Variants in CHST11 observed in about 807,000 individuals in gnomAD.
CHST11 encodes C4S-1.
Under a neutral mutation model 30.4 loss-of-function variants are expected in CHST11, and 9 were observed. The observed-to-expected ratio is 0.30, with a 90% CI of 0.18 to 0.52. The LOEUF is 0.52. CHST11 is among the 20% of genes least tolerant of loss of function. The pLI is 0.97. For synonymous variants in CHST11, 152 were observed against 187.8 expected (o/e 0.81, Z 1.56); for missense variants, 348 against 460.6 (o/e 0.76, Z 2.24).
At chr12:104,513,139 T>TGGGGGGGGGGGGG (rs1565969846) in intron 1 of CHST11, among the ~76,000 whole-genome samples, 11 of 2,932 alleles carry the variant, frequency 3.8e-3, no homozygotes, top group Non-Finnish European at 5.3e-3. Flanking sequence ...GGGGGGGGGT[T>TGGGGGGGGGGGGG]GGGGGTGGGG....
chr12:104,687,441 A>G (rs1786419460), intron 2 of CHST11, among the ~76,000 whole-genome samples: 1 of 152,254 alleles, frequency 6.6e-6, no homozygotes, highest in Non-Finnish European at 1.5e-5. Context: ...TACCTGAGTT[A>G]TCTCATCTCA....
chr12:104,533,492 G>A (rs1341406938), intron 1 of CHST11, among the ~76,000 whole-genome samples: 1 of 152,196 alleles, frequency 6.6e-6, no homozygotes, highest in African/African-American at 2.4e-5. Context: ...TGAAATGTAT[G>A]AAGTAGGGAT....
chr12:104,624,303 C>T (rs2039190333), intron 2 of CHST11, among the ~76,000 whole-genome samples: 1 of 152,118 alleles, frequency 6.6e-6, no homozygotes, highest in Non-Finnish European at 1.5e-5. Flanking sequence ...AAATGATTGT[C>T]ACAGCAAGGA....
chr12:104,726,651 A>G (rs2040219301), intron 2 of CHST11, among the ~76,000 whole-genome samples: 1 of 152,156 alleles, frequency 6.6e-6, no homozygotes, highest in South Asian at 2.1e-4. Flanking sequence ...GGAAAGGGCC[A>G]GGCTGGTCTA....
chr12:104,654,919 C>G lies in CHST11; in HGVS notation c.204+52928C>G, dbSNP rs114662760. On this transcript the variant is annotated intron_variant, in intron 2 of 2. Coordinates refer to ENST00000303694, the MANE Select transcript of CHST11 (RefSeq NM_018413.6). ...TCCAGAACAGGAGTGGTCATAGCAT[C>G]CTCATTATAATGACTGAATGAAAGA... Among the ~76,000 whole-genome samples, 483 of 134,500 alleles carry G rather than the reference C, an allele frequency of 3.6e-3. 6 individuals are homozygous for G. The highest frequency in any genetic ancestry group is 0.011 in the African/African-American group (426 of 38,446). The allele number at this position is 134,500 out of a possible 152,430, so 88.2% of individuals were successfully genotyped here. A position where few individuals can be genotyped will look rare whatever the true frequency, so the allele number is the denominator to read the frequency against.
intron 2 of CHST11, among the ~76,000 whole-genome samples, chr12:104,602,940 C>G (rs867727489): frequency 6.6e-6 from 1 of 151,810 alleles, no homozygotes; most frequent in Non-Finnish European, 1.5e-5. Flanking sequence ...ACCCCCCTTC[C>G]CAATCTCTCA....
intron 1 of CHST11, among the ~76,000 whole-genome samples, chr12:104,523,847 C>T (rs1409355913): frequency 6.6e-6 from 1 of 152,010 alleles, no homozygotes; most frequent in Non-Finnish European, 1.5e-5. Context: ...TTCTGGGAAC[C>T]CTGCAGTGCC....
At chr12:104,716,173 G>A (rs996922316) in intron 2 of CHST11, among the ~76,000 whole-genome samples, 2 of 152,206 alleles carry the variant, frequency 1.3e-5, no homozygotes, top group African/African-American at 2.4e-5. Flanking sequence ...AGCCAATGTC[G>A]CAGACATCTG....
chr12:104,588,384 A>T (rs1235750835), intron 1 of CHST11, among the ~76,000 whole-genome samples: 3 of 152,288 alleles, frequency 2.0e-5, no homozygotes, highest in Non-Finnish European at 1.5e-5. Context: ...CTCAAACAAT[A>T]TTGGGGTCAC....
chr12:104,632,147 G>A (rs2039277029), intron 2 of CHST11, among the ~76,000 whole-genome samples: 1 of 152,118 alleles, frequency 6.6e-6, no homozygotes, highest in African/African-American at 2.4e-5. Flanking sequence ...TGCTGCCTGG[G>A]AACACGAGAC....
intron 2 of CHST11, among the ~76,000 whole-genome samples, chr12:104,648,809 C>CA (rs566126985): frequency 6.3e-4 from 95 of 151,308 alleles, no homozygotes; most frequent in East Asian, 1.2e-3. Flanking sequence ...GCGAGACTCT[C>CA]AAAAAAAATA....
At chr12:104,682,922 C>T (rs2039812081) in intron 2 of CHST11, among the ~76,000 whole-genome samples, 1 of 152,220 alleles carries the variant, frequency 6.6e-6, no homozygotes, top group African/African-American at 2.4e-5. Context: ...CTGTGTCCAG[C>T]CCCACCTGAC....
Position 104,757,224 on chromosome 12 carries a change from C to T in CHST11, c.480C>T (p.Asn160=), listed in dbSNP as rs370518083. 42 of 1,614,008 alleles carry T rather than the reference C, an allele frequency of 2.6e-5. No homozygotes were observed. The highest frequency in any genetic ancestry group is 3.4e-5 in the Non-Finnish European group (40 of 1,180,016). Residue 160 remains asparagine, a synonymous_variant, in exon 3 of 3, where the codon AAC becomes AAT. Transcript: ENST00000303694. This position sits in a 1 kb window ranked among gnomAD's most constrained non-coding sequence, Gnocchi z 6.5. The part of the protein sequence containing the change: ...IPANEAHVSA[N]LKTLNQYSIP... The stretch of plus-strand genomic sequence containing the variant: ...CCAACGAGGCACACGTCTCCGCCAA[C>T]CTGAAGACCCTGAACCAGTACAGCA...
intron 1 of CHST11, among the ~76,000 whole-genome samples, chr12:104,508,924 G>A (rs1243848200): frequency 2.0e-5 from 3 of 151,126 alleles, no homozygotes; most frequent in East Asian, 1.9e-4. Context: ...CCACTGCCGC[G>A]CCACCACCAC....
At chr12:104,574,700 G>A (rs2038664267) in intron 1 of CHST11, among the ~76,000 whole-genome samples, 1 of 151,894 alleles carries the variant, frequency 6.6e-6, no homozygotes, top group Non-Finnish European at 1.5e-5. Flanking sequence ...CACACACTGG[G>A]GTCTGTTGTG....
chr12:104,674,611 C>T lies in CHST11; in HGVS notation c.204+72620C>T, dbSNP rs191456704. 4.0e-4 allele frequency among the ~76,000 whole-genome samples: 61 copies of T among 152,234 alleles called. 1 individual carries two copies. In the East Asian group the frequency reaches 7.1e-3, roughly 18 times the overall value. ...CCCTCATTAAATGCCTGAATAATTTCGAAGAGTCAGAGTTCCATAAATGTT... is the reference window on the plus strand; with the variant it reads ...CCCTCATTAAATGCCTGAATAATTTTGAAGAGTCAGAGTTCCATAAATGTT... On this transcript the variant is annotated intron_variant, in intron 2 of 2. Transcript: ENST00000303694.
At chr12:104,554,213 C>A (rs1440702468) in intron 1 of CHST11, among the ~76,000 whole-genome samples, 2 of 152,142 alleles carry the variant, frequency 1.3e-5, no homozygotes, top group Non-Finnish European at 2.9e-5. Flanking sequence ...GGGCATTACA[C>A]AGGCTGTGAA....
intron 1 of CHST11, among the ~76,000 whole-genome samples, chr12:104,586,433 T>C (rs1405331918): frequency 6.6e-6 from 1 of 152,176 alleles, no homozygotes; most frequent in Non-Finnish European, 1.5e-5. Flanking sequence ...TGTGTGAGTG[T>C]GAGATTATCC....
intron 2 of CHST11, among the ~76,000 whole-genome samples, chr12:104,755,923 G>A (rs771081392): frequency 3.3e-5 from 5 of 152,094 alleles, no homozygotes; most frequent in African/African-American, 7.2e-5. Flanking sequence ...CCCCCCCTCC[G>A]GTTATGAAAG....
Sources: allele counts gnomAD v4.1 joint callset (sites outside exome capture counted in the v4.1 genomes callset), GRCh38; gene constraint gnomAD v4.1.1; non-coding constraint Gnocchi (gnomAD v3.1); transcripts MANE v1.5; gene names NCBI Gene and HGNC (gene_info 2026-07-23, HGNC 2026-07-21).